Variants in ZCCHC14 observed in about 807,000 individuals in gnomAD.
ZCCHC14 encodes the protein zinc finger CCHC-type containing 14.
Under a neutral mutation model 85.0 loss-of-function variants are expected in ZCCHC14, and 16 were observed. The ratio of observed to expected loss-of-function variants is 0.19; its 90% CI spans 0.13 to 0.29. The LOEUF (loss-of-function observed/expected upper bound fraction) is 0.29. Among genes scored for constraint, ZCCHC14 ranks in the 10% least tolerant of loss-of-function variants. ZCCHC14 has a pLI of 1.00. For missense variants in ZCCHC14, 1,303 were observed against 1,443.5 expected (o/e 0.90, Z 1.58); for synonymous variants, 775 against 630.7 (o/e 1.23, Z -3.43).
Position 87,411,689 on chromosome 16 carries a change from G to A in ZCCHC14, c.3032C>T (p.Pro1011Leu). ...LSGQSTFAVP[P>L]MQNFMAGTAG... is the part of the protein sequence containing the mutation. The stretch of plus-strand genomic sequence containing the variant: ...TGTCCCTGCCATGAAGTTCTGCATG[G>A]GTGGCACGGCAAACGTGGACTGCCC... Residue 1011 changes from proline to leucine, a missense_variant, in exon 12 of 13, where the codon CCC becomes CTC. Around this residue, in one of 7 missense-constraint regions of ZCCHC14, gnomAD observed 797 missense variants for 730.8 expected, o/e 1.09. Coordinates refer to ENST00000671377, the MANE Select transcript of ZCCHC14 (RefSeq NM_015144.3). The A allele has an allele frequency of 1.9e-6, 3 of 1,614,106 alleles. No homozygotes were observed. Among genetic ancestry groups the A allele is most frequent in the Non-Finnish European group, 2.5e-6 (3 of 1,179,990 alleles).
chr16:87,465,626 G>A (rs1911483700), intron 1 of ZCCHC14, among the ~76,000 whole-genome samples: 1 of 152,180 alleles, frequency 6.6e-6, no homozygotes, highest in Non-Finnish European at 1.5e-5. Context: ...TTAAAGAGAG[G>A]AGGCCTCTGC....
chr16:87,474,257 A>C (rs1474786707), intron 1 of ZCCHC14: 2 of 152,384 alleles, frequency 1.3e-5, no homozygotes, highest in African/African-American at 2.4e-5. Flanking sequence ...GCATGTAGAC[A>C]ACCATTCCAC....
At chr16:87,488,548 G>A (rs1275789430) in intron 1 of ZCCHC14, among the ~76,000 whole-genome samples, 5 of 152,154 alleles carry the variant, frequency 3.3e-5, no homozygotes, top group Non-Finnish European at 5.9e-5. Flanking sequence ...TGCAAATAAT[G>A]ACTATTTCGG....
chr16:87,469,105 C>G (rs985434597), intron 1 of ZCCHC14, among the ~76,000 whole-genome samples: 6 of 152,090 alleles, frequency 3.9e-5, no homozygotes, highest in African/African-American at 1.4e-4. Flanking sequence ...TTTTTGGAGA[C>G]ATGGTCTATG....
chr16:87,467,542 T>C (rs1177508373), intron 1 of ZCCHC14: 1 of 1,593,290 alleles, frequency 6.3e-7, no homozygotes, highest in Non-Finnish European at 8.6e-7. Flanking sequence ...CAGAAGCCTA[T>C]TTTTAATGTC....
chr16:87,460,116 C>T lies in ZCCHC14; in HGVS notation c.586G>A (p.Glu196Lys), dbSNP rs765170223. ...PACHKITPRTEAPVSSVSNSL... is the reference protein window; with the variant it reads ...PACHKITPRTKAPVSSVSNSL... ...TTACTGACACTGCTGACAGGGGCCT[C>T]AGTTCTTGGAGTGATCTGAGGGAAC... Residue 196 changes from glutamate (E) to lysine (K), a missense_variant, in exon 2 of 13, where the codon GAG becomes AAG. Transcript: ENST00000671377. The T allele has an allele frequency of 2.5e-6, 4 of 1,614,174 alleles. No individual in the cohort carries two copies. The Admixed American group carries it at 6.7e-5, about 27-fold the overall frequency.
chr16:87,467,042 A>T (rs398088981), intron 1 of ZCCHC14: 2 of 389,164 alleles, frequency 5.1e-6, no homozygotes, highest in East Asian at 4.9e-5. Context: ...AAAAAAAAAA[A>T]TTGTTTTTTT....
chr16:87,443,774 T>C (rs1363261994), intron 2 of ZCCHC14, among the ~76,000 whole-genome samples: 4 of 151,004 alleles, frequency 2.6e-5, no homozygotes, highest in Non-Finnish European at 5.9e-5. Context: ...CTGCAGCTCA[T>C]GCCTATAATC....
intron 3 of ZCCHC14, among the ~76,000 whole-genome samples, chr16:87,426,147 T>A (rs1909357605): frequency 6.6e-6 from 1 of 152,172 alleles, no homozygotes; most frequent in Non-Finnish European, 1.5e-5. Context: ...TGCTGGCTGA[T>A]GGCTAAGCTG....
At chr16:87,436,498 G>C (rs765881039) in intron 2 of ZCCHC14, among the ~76,000 whole-genome samples, 29 of 152,242 alleles carry the variant, frequency 1.9e-4, no homozygotes, top group Non-Finnish European at 3.5e-4. Context: ...TGACCAGCCT[G>C]AGTCAAGGTC....
At chr16:87,436,548 G>A (rs1909932012) in intron 2 of ZCCHC14, among the ~76,000 whole-genome samples, 1 of 152,244 alleles carries the variant, frequency 6.6e-6, no homozygotes, top group Non-Finnish European at 1.5e-5. Context: ...GCAGCCATTA[G>A]ACGCTGTGAT....
chr16:87,410,845 T>C (rs1908397197), intron 12 of ZCCHC14, among the ~76,000 whole-genome samples: 1 of 152,118 alleles, frequency 6.6e-6, no homozygotes, highest in South Asian at 2.1e-4. Flanking sequence ...GAATCACAGA[T>C]CTAGTGCAAC....
At chr16:87,437,168 C>T (rs1368028614) in intron 2 of ZCCHC14, among the ~76,000 whole-genome samples, 1 of 151,754 alleles carries the variant, frequency 6.6e-6, no homozygotes, top group African/African-American at 2.4e-5. Context: ...GAAACTCCGT[C>T]TCTAGTAAAA....
intron 2 of ZCCHC14, among the ~76,000 whole-genome samples, chr16:87,446,983 G>A (rs138665568): frequency 6.6e-5 from 10 of 152,142 alleles, no homozygotes; most frequent in East Asian, 1.9e-4. Flanking sequence ...CACCGTGCCC[G>A]GCCAGCAAAC....
At chr16:87,459,885 A>C (rs1284482830) in intron 2 of ZCCHC14, 123 bp downstream of exon 2, 11 of 1,443,754 alleles carry the variant, frequency 7.6e-6, no homozygotes, top group Non-Finnish European at 1.0e-5. Context: ...AATTTAGAAA[A>C]ATACACATAA....
At chr16:87,421,936 A>G (rs1315245963) in intron 4 of ZCCHC14, among the ~76,000 whole-genome samples, 1 of 152,222 alleles carries the variant, frequency 6.6e-6, no homozygotes, top group African/African-American at 2.4e-5. Flanking sequence ...ATACCAAAAA[A>G]AAAAGGAATA....
intron 1 of ZCCHC14, among the ~76,000 whole-genome samples, chr16:87,483,968 C>T (rs189092498): frequency 1.3e-5 from 2 of 152,300 alleles, no homozygotes; most frequent in Admixed American, 1.3e-4. Flanking sequence ...GATTAAATAA[C>T]ACATTTGTGC....
At chr16:87,463,598 C>A (rs1911377061) in intron 1 of ZCCHC14, among the ~76,000 whole-genome samples, 1 of 152,122 alleles carries the variant, frequency 6.6e-6, no homozygotes, top group South Asian at 2.1e-4. Flanking sequence ...GCGGACAGAT[C>A]ACCTGAGGTC....
chr16:87,461,085 A>T (rs1236328572), intron 1 of ZCCHC14, among the ~76,000 whole-genome samples: 1 of 152,248 alleles, frequency 6.6e-6, no homozygotes, highest in Admixed American at 6.5e-5. Context: ...AAGCACAGAC[A>T]GTGTACCTGC....
Sources: gnomAD v4.1 joint callset for allele counts (sites outside exome capture counted in the v4.1 genomes callset) on GRCh38, gnomAD v4.1.1 for gene constraint, gnomAD v4.1.1 regional missense constraint, MANE v1.5 for transcripts, NCBI Gene and HGNC (gene_info 2026-07-23, HGNC 2026-07-21) for gene names.